Variants in MCC observed in about 807,000 individuals in gnomAD.
MCC encodes the protein MCC regulator of Wnt signaling pathway.
Under a neutral mutation model 116.2 loss-of-function variants are expected in MCC, and 90 were observed. The ratio of observed to expected loss-of-function variants is 0.77; its 90% CI spans 0.65 to 0.92. The LOEUF (loss-of-function observed/expected upper bound fraction) is 0.92. Ranked by LOEUF, MCC falls within the 40% of genes least tolerant of loss-of-function variation. The pLI, the probability that MCC is intolerant of heterozygous loss-of-function variation, is 0.00. For missense variants in MCC, 1,516 were observed against 1,312.2 expected, an observed-to-expected ratio of 1.16 and a Z score of -2.40; for synonymous variants, 578 against 510.5, an observed-to-expected ratio of 1.13 and a Z score of -1.78.
intron 1 of MCC, among the ~76,000 whole-genome samples, chr5:113,442,457 A>C (rs1580380696): frequency 6.6e-6 from 1 of 152,132 alleles, no homozygotes; most frequent in East Asian, 1.9e-4. Context: ...TTGCCTGTTC[A>C]CTCTGATGGC....
chr5:113,307,221 T>G (rs1767009710), intron 3 of MCC, among the ~76,000 whole-genome samples: 2 of 152,150 alleles, frequency 1.3e-5, no homozygotes, highest in Non-Finnish European at 2.9e-5. Flanking sequence ...GTGCACGGAG[T>G]CTGTAGATCA....
chr5:113,335,825 A>G (rs1767856023), intron 3 of MCC, among the ~76,000 whole-genome samples: 1 of 151,724 alleles, frequency 6.6e-6, no homozygotes, highest in Non-Finnish European at 1.5e-5. Context: ...GCCATGAGAG[A>G]CATTCTGTGT....
intron 16 of MCC, among the ~76,000 whole-genome samples, chr5:113,045,172 G>A (rs879526372): frequency 9.2e-5 from 14 of 152,118 alleles, no homozygotes; most frequent in Admixed American, 4.6e-4. Context: ...TTAAAGACAG[G>A]GACTGCTCTG....
chr5:113,152,759 A>T (rs530113817), intron 3 of MCC, among the ~76,000 whole-genome samples: 1 of 152,332 alleles, frequency 6.6e-6, no homozygotes, highest in Admixed American at 6.5e-5. Context: ...AGACTCTAAT[A>T]GCAGTAAATG....
At chr5:113,145,506 T>G (rs994682793) in intron 4 of MCC, among the ~76,000 whole-genome samples, 15 of 152,134 alleles carry the variant, frequency 9.9e-5, no homozygotes, top group Non-Finnish European at 1.9e-4. Context: ...AACAGGCCAC[T>G]ACCACCACCT....
chr5:113,105,288 A>C (rs571381746), intron 6 of MCC, among the ~76,000 whole-genome samples: 1 of 152,238 alleles, frequency 6.6e-6, no homozygotes, highest in Non-Finnish European at 1.5e-5. Flanking sequence ...TCTCTCCTGC[A>C]TGCTTCTCAC....
chr5:113,373,827 T>C (rs951797930), intron 2 of MCC, among the ~76,000 whole-genome samples: 4 of 152,216 alleles, frequency 2.6e-5, no homozygotes, highest in African/African-American at 9.6e-5. Flanking sequence ...ATAATCAAGA[T>C]TTTCCTGTGT....
In MCC at chr5:113,146,075, G is replaced by A. The variant is rs139925344; in HGVS notation, c.742-2715C>T. ...GAGGAAAAAAACCTCCTTTAACTAA[G>A]GGCAAAGGTATTTAGTTTACATTCC... On this transcript the variant is annotated intron_variant, in intron 4 of 18. Coordinates refer to ENST00000408903, the MANE Select transcript of MCC (RefSeq NM_001085377.2). Among the ~76,000 whole-genome samples the A allele has an allele frequency of 9.4e-3, 1,434 of 151,924 alleles. 7 individuals carry two copies. Among genetic ancestry groups the A allele is most frequent in the Non-Finnish European group, 0.015 (1,021 of 67,962 alleles).
At chr5:113,183,176 T>C (rs985176851) in intron 3 of MCC, among the ~76,000 whole-genome samples, 8 of 152,080 alleles carry the variant, frequency 5.3e-5, no homozygotes, top group African/African-American at 1.9e-4. Context: ...TGCTCCTCAG[T>C]GTAATTGATT....
chr5:113,173,888 G>A (rs569960762), intron 3 of MCC, among the ~76,000 whole-genome samples: 1 of 152,144 alleles, frequency 6.6e-6, no homozygotes, highest in South Asian at 2.1e-4. Context: ...AAAGGTCTAA[G>A]TGCAGGGATT....
chr5:113,176,398 AACACTC>A, intron 3 of MCC, among the ~76,000 whole-genome samples: 1 of 152,246 alleles, frequency 6.6e-6, no homozygotes, highest in Non-Finnish European at 1.5e-5. Context: ...CTGTGCTGCC[AACACTC>A]AGACATCTGA....
intron 1 of MCC, among the ~76,000 whole-genome samples, chr5:113,470,126 T>C (rs1401330786): frequency 6.6e-6 from 1 of 151,754 alleles, no homozygotes; most frequent in Non-Finnish European, 1.5e-5. Context: ...GGGTCTTGAC[T>C]CTTTATCCAA....
Position 113,433,259 on chromosome 5 carries a change from C to T in MCC, c.171-48047G>A, listed in dbSNP as rs143269547. 308 of 192,510 alleles carry T rather than the reference C, an allele frequency of 1.6e-3. 1 individual carries two copies. The highest frequency in any genetic ancestry group is 7.0e-3 in the African/African-American group (292 of 41,998). The allele number at this position is 192,510 out of a possible 1,614,324, so 11.9% of individuals were successfully genotyped here. A position where few individuals can be genotyped will look rare whatever the true frequency, so the allele number is the denominator to read the frequency against. ...CCGCCGCCTCTCCGCGCCTCGTCCC[C>T]GTCCAGCCCCACCCAACCCCCAACC... On this transcript the variant is annotated intron_variant, in intron 1 of 18. Coordinates refer to ENST00000408903, the MANE Select transcript of MCC (RefSeq NM_001085377.2).
At chr5:113,281,946 T>G (rs1293871533) in intron 3 of MCC, among the ~76,000 whole-genome samples, 1 of 152,228 alleles carries the variant, frequency 6.6e-6, no homozygotes, top group East Asian at 1.9e-4. Flanking sequence ...CAGCAAGAAC[T>G]GGCAATTACT....
At chr5:113,202,695 G>A (rs1324346971) in intron 3 of MCC, among the ~76,000 whole-genome samples, 1 of 150,736 alleles carries the variant, frequency 6.6e-6, no homozygotes, top group African/African-American at 2.4e-5. Context: ...CAGTTTATCA[G>A]ACTTTATGAC....
At chr5:113,196,964 C>T (rs565430386) in intron 3 of MCC, among the ~76,000 whole-genome samples, 87 of 152,308 alleles carry the variant, frequency 5.7e-4, no homozygotes, top group Non-Finnish European at 9.6e-4. Context: ...TGCCATCCTA[C>T]ATGTAACATT....
At chr5:113,332,597 C>T (rs1196300116) in intron 3 of MCC, among the ~76,000 whole-genome samples, 1 of 143,496 alleles carries the variant, frequency 7.0e-6, no homozygotes, top group Non-Finnish European at 1.5e-5. Context: ...ATAGAAGAAA[C>T]TAGTACATAT....
At chr5:113,163,991 T>C (rs1173489390) in intron 3 of MCC, among the ~76,000 whole-genome samples, 1 of 152,218 alleles carries the variant, frequency 6.6e-6, no homozygotes, top group Non-Finnish European at 1.5e-5. Flanking sequence ...AATAAACATA[T>C]ATTAGTATTA....
intron 17 of MCC, among the ~76,000 whole-genome samples, chr5:113,037,848 G>C (rs1751423725): frequency 6.6e-6 from 1 of 152,208 alleles, no homozygotes; most frequent in Non-Finnish European, 1.5e-5. Flanking sequence ...GAATTGTCCA[G>C]AGGGGCTGGA....
Sources: allele counts gnomAD v4.1 joint callset (sites outside exome capture counted in the v4.1 genomes callset), GRCh38; gene constraint gnomAD v4.1.1; transcripts MANE v1.5; gene names NCBI Gene and HGNC (gene_info 2026-07-23, HGNC 2026-07-21).